The following TNS3 variants were observed in gnomAD, a reference collection of about 807,000 sequenced individuals.
TNS3 encodes the protein tensin 3.
A neutral mutation model predicts 140.9 loss-of-function variants in TNS3; 45 were observed. That is an observed-to-expected ratio of 0.32 (90% CI 0.25 to 0.41). TNS3 has a LOEUF of 0.41. Among genes scored for constraint, TNS3 ranks in the 10% least tolerant of loss-of-function variants. The probability of loss-of-function intolerance (pLI) is 1.00; values close to 1 mark genes in which losing one functional copy is unlikely to be tolerated. For missense variants in TNS3, 1,716 were observed against 1,906.7 expected (o/e 0.90, Z 1.86); for synonymous variants, 815 against 788.4 (o/e 1.03, Z -0.56).
chr7:47,302,174 C>T lies in TNS3; in HGVS notation c.3544+12G>A. On this transcript the variant is annotated intron_variant, in intron 23 of 30. Transcript: ENST00000311160. ...GCAGATGCCCAAGGAGGCCCTCATC[C>T]TCCCCACATACCTTGTTCTCTTGAA... 6.2e-7 allele frequency: 1 copy of T among 1,612,530 alleles called. No homozygotes were observed. The highest frequency in any genetic ancestry group is 1.1e-5 in the South Asian group (1 of 91,040).
At chr7:47,480,550 G>T (rs1024491471) in intron 4 of TNS3, among the ~76,000 whole-genome samples, 1 of 152,220 alleles carries the variant, frequency 6.6e-6, no homozygotes, top group Non-Finnish European at 1.5e-5. Flanking sequence ...AACACCAGGA[G>T]GTACCATGAC....
At chr7:47,578,061 C>T (rs557512946) in intron 1 of TNS3, among the ~76,000 whole-genome samples, 55 of 151,818 alleles carry the variant, frequency 3.6e-4, no homozygotes, top group Non-Finnish European at 6.3e-4. Flanking sequence ...CGCCTGTAAC[C>T]CCACGCTTTG....
chr7:47,440,157 C>G (rs1795393837), intron 5 of TNS3, among the ~76,000 whole-genome samples: 1 of 152,032 alleles, frequency 6.6e-6, no homozygotes, highest in South Asian at 2.1e-4. Context: ...CTCCTCGTGT[C>G]CGTATGCGGC....
chr7:47,490,053 CTCATAAA>C (rs1397521709), intron 3 of TNS3, among the ~76,000 whole-genome samples: 1 of 152,184 alleles, frequency 6.6e-6, no homozygotes, highest in Non-Finnish European at 1.5e-5. Flanking sequence ...AGAAGAAAAA[CTCATAAA>C]TCATAAATCC....
chr7:47,426,362 A>G (rs1464032750), intron 9 of TNS3, among the ~76,000 whole-genome samples: 1 of 152,236 alleles, frequency 6.6e-6, no homozygotes, highest in Non-Finnish European at 1.5e-5. Flanking sequence ...TATCCATTGA[A>G]TAAAGTGCTA....
chr7:47,406,281 C>T (rs982672693), intron 13 of TNS3, among the ~76,000 whole-genome samples: 3 of 152,126 alleles, frequency 2.0e-5, no homozygotes, highest in Non-Finnish European at 4.4e-5. Context: ...CGAAGGCAGA[C>T]GGTGGGTCAA....
chr7:47,296,430 T>C (rs375570601), intron 24 of TNS3, among the ~76,000 whole-genome samples: 53 of 152,268 alleles, frequency 3.5e-4, no homozygotes, highest in Middle Eastern at 3.4e-3. Context: ...AGTAATACCA[T>C]AGGACCCAGC....
In TNS3 at chr7:47,481,148, A is replaced by G. The variant is rs1351180543; in HGVS notation, c.-114-7T>C. 5 of 1,289,742 alleles carry G rather than the reference A, an allele frequency of 3.9e-6. No individual in the cohort carries two copies. The South Asian group carries it at 4.9e-5, about 13-fold the overall frequency. 79.9% of individuals were successfully genotyped at this position (1,289,742 alleles called of 1,614,324 possible). A position where few individuals can be genotyped will look rare whatever the true frequency, so the allele number is the denominator to read the frequency against. On this transcript the variant is annotated splice_polypyrimidine_tract_variant and splice_region_variant and intron_variant, in intron 3 of 30. Transcript: ENST00000311160. ...CACCGCAGGGAATCACCACCTTTCA[A>G]AGAGAGAAGAAACAGATAAGCAAAT... is the stretch of plus-strand genomic sequence containing the variant.
chr7:47,392,172 G>A (rs1009059575), intron 16 of TNS3, among the ~76,000 whole-genome samples: 6 of 150,298 alleles, frequency 4.0e-5, no homozygotes, highest in East Asian at 1.9e-4. Flanking sequence ...AGGGAACACT[G>A]ACACGACTGC....
rs759568949 is a variant in TNS3, at chr7:47,411,759, C to G, written c.691G>C (p.Glu231Gln). 1.2e-6 allele frequency: 2 copies of G among 1,613,034 alleles called. No individual in the cohort carries two copies. The highest frequency in any genetic ancestry group is 2.2e-5 in the South Asian group (2 of 90,714). The change falls in exon 13 of 31, where the codon GAG (glutamate) becomes CAG (glutamine). Residue 231 changes from glutamate (E) to glutamine (Q), a missense_variant. Glu to Gln is a conservative substitution (Grantham distance 29). Coordinates refer to ENST00000311160, the MANE Select transcript of TNS3 (RefSeq NM_022748.12). ...TCTCCCTTCAGAAGCTGGGCCGGCT[C>G]GATGACGATGCAGATCCTGCTGGGG... ...ENPSRICIVI[E>Q]PAQLLKGDVM...
At chr7:47,477,857 T>C (rs1414812887) in intron 4 of TNS3, among the ~76,000 whole-genome samples, 6 of 152,170 alleles carry the variant, frequency 3.9e-5, no homozygotes, top group Non-Finnish European at 7.3e-5. Context: ...CAAGCTCCGC[T>C]AAATGGGGGG....
intron 17 of TNS3, among the ~76,000 whole-genome samples, chr7:47,352,076 T>A (rs1411413412): frequency 2.1e-5 from 3 of 145,530 alleles, no homozygotes; most frequent in Non-Finnish European, 4.5e-5. Context: ...CACACACTCT[T>A]ACACCCACGT....
At chr7:47,316,180 T>C (rs1368606841) in intron 20 of TNS3, among the ~76,000 whole-genome samples, 2 of 150,480 alleles carry the variant, frequency 1.3e-5, no homozygotes, top group African/African-American at 4.9e-5. Flanking sequence ...CATCCCGGGA[T>C]TATTATGCAG....
intron 28 of TNS3, among the ~76,000 whole-genome samples, chr7:47,283,036 C>T (rs1274370779): frequency 6.6e-6 from 1 of 152,152 alleles, no homozygotes; most frequent in Non-Finnish European, 1.5e-5. Context: ...ACGGTTGATG[C>T]CAACGTGCCT....
chr7:47,581,734 C>G (rs1562868620), intron 1 of TNS3: 1 of 150,896 alleles, frequency 6.6e-6, no homozygotes, highest in South Asian at 2.1e-4. Flanking sequence ...GGACTCCTGC[C>G]GAGCCCCCGC....
intron 1 of TNS3, chr7:47,579,361 C>T (rs191696257): frequency 1.2e-4 from 18 of 152,198 alleles, no homozygotes; most frequent in Admixed American, 3.3e-4. Context: ...CAGACCCACC[C>T]TTCCCATGAT....
intron 1 of TNS3, among the ~76,000 whole-genome samples, chr7:47,541,565 C>T (rs1799788193): frequency 6.6e-6 from 1 of 152,110 alleles, no homozygotes; most frequent in Non-Finnish European, 1.5e-5. Flanking sequence ...AAACTGTAAA[C>T]AACTTGGAGA....
intron 16 of TNS3, among the ~76,000 whole-genome samples, chr7:47,395,114 C>T (rs530403317): frequency 7.9e-5 from 12 of 152,340 alleles, no homozygotes; most frequent in African/African-American, 2.6e-4. Flanking sequence ...CCTCCCTTGG[C>T]AAGCAAGGAA....
chr7:47,408,726 C>G (rs1793584698), intron 13 of TNS3, among the ~76,000 whole-genome samples: 1 of 152,222 alleles, frequency 6.6e-6, no homozygotes. Context: ...CTGGTTTCAA[C>G]CTTCCAAGAC....
Sources: allele counts gnomAD v4.1 joint callset (sites outside exome capture counted in the v4.1 genomes callset), GRCh38; gene constraint gnomAD v4.1.1; transcripts MANE v1.5; gene names NCBI Gene and HGNC (gene_info 2026-07-23, HGNC 2026-07-21).